Variants in NALF1 observed in about 807,000 individuals in gnomAD.
NALF1 encodes NALCN channel auxiliary factor 1, also known as family with sequence similarity 155 member A.
In NALF1, 3 loss-of-function variants were observed where a neutral mutation model predicts 48.4. The observed-to-expected ratio is 0.06, with a 90% CI of 0.03 to 0.16. The LOEUF (loss-of-function observed/expected upper bound fraction) is 0.16, where lower values mean the gene tolerates loss of function less well. NALF1 is among the 10% of genes least tolerant of loss of function. NALF1 has a pLI of 1.00. For missense variants in NALF1, 526 were observed against 571.5 expected (o/e 0.92, Z 0.81); for synonymous variants, 262 against 245.7 (o/e 1.07, Z -0.62).
chr13:107,338,932 T>A (rs1324548656), intron 1 of NALF1, among the ~76,000 whole-genome samples: 2 of 151,630 alleles, frequency 1.3e-5, no homozygotes, highest in Non-Finnish European at 2.9e-5. Context: ...GGAGGTCGAG[T>A]CCATCCTGGC....
At chr13:107,304,670 C>A (rs4772870) in intron 1 of NALF1, among the ~76,000 whole-genome samples, 114,980 of 152,116 alleles carry the variant, frequency 0.76, 43,929 homozygotes, top group Non-Finnish European at 0.82. Flanking sequence ...AGGAGAAAAA[C>A]ATCCAATTAA....
chr13:107,800,346 GTTA>G (rs2138595787), intron 1 of NALF1, among the ~76,000 whole-genome samples: 1 of 151,854 alleles, frequency 6.6e-6, no homozygotes, highest in East Asian at 1.9e-4. Flanking sequence ...TATTTTTATT[GTTA>G]TTATTATCAT....
intron 1 of NALF1, among the ~76,000 whole-genome samples, chr13:107,654,581 T>C (rs1036601210): frequency 6.6e-6 from 1 of 152,016 alleles, no homozygotes; most frequent in African/African-American, 2.4e-5. Flanking sequence ...AAAGAGTTTG[T>C]ACTAATCCTA....
In NALF1 at chr13:107,740,364, T is replaced by C. The variant is rs574822037; in HGVS notation, c.915+125318A>G. Among the ~76,000 whole-genome samples the C allele has an allele frequency of 1.9e-3, 288 of 152,326 alleles. 1 individual carries two copies. Among genetic ancestry groups the C allele is most frequent in the Admixed American group, 5.0e-3 (76 of 15,294 alleles). On this transcript the variant is annotated intron_variant, in intron 1 of 2. Coordinates refer to ENST00000375915, the MANE Select transcript of NALF1 (RefSeq NM_001080396.3). ...ATAGAATCAGAAGAGATACAGTCTG[T>C]GAGGCATCTGTTGGTAATATTATAT...
At chr13:107,385,423 C>T (rs527297398) in intron 1 of NALF1, among the ~76,000 whole-genome samples, 5 of 151,994 alleles carry the variant, frequency 3.3e-5, no homozygotes, top group South Asian at 2.1e-4. Flanking sequence ...TATAGTGGCG[C>T]GTGCCTGTAA....
At chr13:107,812,403 C>G (rs1211207097) in intron 1 of NALF1, among the ~76,000 whole-genome samples, 2 of 152,050 alleles carry the variant, frequency 1.3e-5, no homozygotes, top group South Asian at 2.1e-4. Context: ...AAAAAGACCA[C>G]TTGAAATGGG....
At chr13:107,689,689 G>A (rs562202970) in intron 1 of NALF1, among the ~76,000 whole-genome samples, 1 of 152,224 alleles carries the variant, frequency 6.6e-6, no homozygotes, top group African/African-American at 2.4e-5. Context: ...TCTGGGAATG[G>A]GACAGTGATG....
Position 107,185,935 on chromosome 13 carries a change from C to T in NALF1, c.1088-15149G>A, listed in dbSNP as rs145143850. 1.0e-3 allele frequency among the ~76,000 whole-genome samples: 152 copies of T among 152,238 alleles called. 1 individual carries two copies. Among genetic ancestry groups the T allele is most frequent in the African/African-American group, 3.4e-3 (143 of 41,524 alleles). The stretch of plus-strand genomic sequence containing the variant: ...TGGAGTTTCATTTACCTGTGGCCAA[C>T]CACAGTCCAAAAATGTTAGATGCAA... On this transcript the variant is annotated intron_variant, in intron 2 of 2. Coordinates refer to ENST00000375915, the MANE Select transcript of NALF1 (RefSeq NM_001080396.3).
At chr13:107,283,889 G>A (rs1256666878) in intron 1 of NALF1, among the ~76,000 whole-genome samples, 4 of 151,932 alleles carry the variant, frequency 2.6e-5, no homozygotes, top group Non-Finnish European at 5.9e-5. Context: ...TTGATCTCCT[G>A]ACCTCATGAT....
chr13:107,764,488 G>A (rs533666061), intron 1 of NALF1, among the ~76,000 whole-genome samples: 4 of 152,134 alleles, frequency 2.6e-5, no homozygotes, highest in East Asian at 1.9e-4. Context: ...GGAAGACTTC[G>A]GCATGAATAC....
In NALF1 at chr13:107,168,412, A is replaced by C. The variant is rs1473622570; in HGVS notation, c.*2085T>G. 1 of 152,310 alleles carries C rather than the reference A, an allele frequency of 6.6e-6. No individual in the cohort carries two copies. The highest frequency in any genetic ancestry group is 1.5e-5 in the Non-Finnish European group (1 of 68,056). The allele number at this position is 152,310 out of a possible 1,614,324, so 9.4% of individuals were successfully genotyped here. On this transcript the variant is annotated 3_prime_UTR_variant, in exon 3 of 3. Coordinates refer to ENST00000375915, the MANE Select transcript of NALF1 (RefSeq NM_001080396.3). ...CTTCCTCAGCTTGTGTCCCCAGAAAAGCACCATGTTTCCATACACTAAAAT... is the reference window on the plus strand; with the variant it reads ...CTTCCTCAGCTTGTGTCCCCAGAAACGCACCATGTTTCCATACACTAAAAT...
At chr13:107,721,127 C>T (rs1337165378) in intron 1 of NALF1, among the ~76,000 whole-genome samples, 1 of 151,680 alleles carries the variant, frequency 6.6e-6, no homozygotes. Flanking sequence ...CACACACACA[C>T]ACACACACAC....
chr13:107,828,598 T>C (rs1879597511), intron 1 of NALF1, among the ~76,000 whole-genome samples: 1 of 72,970 alleles, frequency 1.4e-5, no homozygotes, highest in South Asian at 4.8e-4. Context: ...TATCTATATC[T>C]ATATCTATAC....
At chr13:107,759,397 G>A (rs1219942630) in intron 1 of NALF1, among the ~76,000 whole-genome samples, 1 of 151,984 alleles carries the variant, frequency 6.6e-6, no homozygotes, top group African/African-American at 2.4e-5. Flanking sequence ...TTTAGTAGAG[G>A]CGGGGTTTCA....
chr13:107,859,444 G>T (rs563719013), intron 1 of NALF1, among the ~76,000 whole-genome samples: 5 of 152,114 alleles, frequency 3.3e-5, no homozygotes, highest in Non-Finnish European at 7.4e-5. Context: ...ACTTCAAGTG[G>T]GGAAAATCAA....
At chr13:107,228,256 T>C (rs1042678985) in intron 1 of NALF1, among the ~76,000 whole-genome samples, 4 of 152,218 alleles carry the variant, frequency 2.6e-5, no homozygotes, top group African/African-American at 9.6e-5. Context: ...GACATAGTCA[T>C]CTTATTGCCA....
chr13:107,340,444 C>CTCTT lies in NALF1; in HGVS notation c.916-129693_916-129690dup, dbSNP rs200120384. Among the ~76,000 whole-genome samples the CTCTT allele has an allele frequency of 1.5e-3, 208 of 134,344 alleles. 4 individuals are homozygous for CTCTT. The highest frequency in any genetic ancestry group is 6.3e-3 in the East Asian group (27 of 4,288). 88.1% of individuals were successfully genotyped at this position (134,344 alleles called of 152,430 possible). On this transcript the variant is annotated intron_variant, in intron 1 of 2. Coordinates refer to ENST00000375915, the MANE Select transcript of NALF1 (RefSeq NM_001080396.3). ...ACATGAGTTACGGCGCCTGACCTTT[C>CTCTT]TCTTTCTTTCTTTCTTTCTTTCTTC...
In NALF1 at chr13:107,362,438, G is replaced by C. The variant is rs1309297402; in HGVS notation, c.916-151683C>G. On this transcript the variant is annotated intron_variant, in intron 1 of 2. Coordinates refer to ENST00000375915, the MANE Select transcript of NALF1 (RefSeq NM_001080396.3). The surrounding 1 kb of genome is among the most constrained non-coding windows in gnomAD (Gnocchi z 4.6). The stretch of plus-strand genomic sequence containing the variant: ...CTTCGCTTGCCTCCTCCTGACTTTG[G>C]AGGTATCAGGCAATCGGTGACATCT... Among the ~76,000 whole-genome samples, 3 of 152,092 alleles carry C rather than the reference G, an allele frequency of 2.0e-5. No individual in the cohort carries two copies. The highest frequency in any genetic ancestry group is 7.2e-5 in the African/African-American group (3 of 41,414).
At chr13:107,274,745 A>G (rs569363403) in intron 1 of NALF1, among the ~76,000 whole-genome samples, 2 of 152,266 alleles carry the variant, frequency 1.3e-5, no homozygotes, top group East Asian at 3.9e-4. Flanking sequence ...TAATTATAGT[A>G]TTTTAGAAAG....
Sources: gnomAD v4.1 joint callset for allele counts (sites outside exome capture counted in the v4.1 genomes callset) on GRCh38, gnomAD v4.1.1 for gene constraint, Gnocchi (gnomAD v3.1) non-coding constraint, MANE v1.5 for transcripts, NCBI Gene and HGNC (gene_info 2026-07-23, HGNC 2026-07-21) for gene names.